The following RFT1 variants were observed in gnomAD, a reference collection of about 807,000 sequenced individuals.
The protein encoded by RFT1 is man(5)GlcNAc(2)-PP-dolichol translocation protein RFT1.
A neutral mutation model predicts 62.2 loss-of-function variants in RFT1; 43 were observed. The observed-to-expected ratio is 0.69, with a 90% CI of 0.54 to 0.89. The LOEUF (loss-of-function observed/expected upper bound fraction) is 0.89. Ranked by LOEUF, RFT1 falls within the 40% of genes least tolerant of loss-of-function variation. RFT1 has a pLI of 0.00. For synonymous variants in RFT1, 262 were observed against 264.6 expected, an observed-to-expected ratio of 0.99 and a Z score of 0.10; for missense variants, 605 against 649.9, an observed-to-expected ratio of 0.93 and a Z score of 0.75.
At chr3:53,102,624 G>A (rs540361113) in intron 10 of RFT1, among the ~76,000 whole-genome samples, 1 of 152,226 alleles carries the variant, frequency 6.6e-6, no homozygotes, top group Non-Finnish European at 1.5e-5. Flanking sequence ...CTAATTAAAT[G>A]CAGGGCTAAT....
chr3:53,076,640 T>C, the RFT1 span, among the ~76,000 whole-genome samples: 1 of 152,046 alleles, frequency 6.6e-6, no homozygotes, highest in Non-Finnish European at 1.5e-5. Context: ...TCATTTTCCA[T>C]AGTAGGAAAT....
At chr3:53,069,652 TACA>T in the RFT1 span, among the ~76,000 whole-genome samples, 1 of 152,224 alleles carries the variant, frequency 6.6e-6, no homozygotes, top group Non-Finnish European at 1.5e-5. Context: ...AAAGTGTTAG[TACA>T]ACAAGTGCCT....
intron 1 of RFT1, among the ~76,000 whole-genome samples, chr3:53,129,056 G>A (rs1702188612): frequency 6.6e-6 from 1 of 150,776 alleles, no homozygotes; most frequent in Admixed American, 6.6e-5. Flanking sequence ...ATCAAAGGCT[G>A]AAAAAAAACC....
In RFT1 at chr3:53,099,376, C is replaced by T. The variant is rs763258790; in HGVS notation, c.1208+5G>A. On this transcript the variant is annotated splice_donor_5th_base_variant and intron_variant, in intron 11 of 12. Coordinates refer to ENST00000296292, the MANE Select transcript of RFT1 (RefSeq NM_052859.4). Reference sequence around the variant, plus strand: ...GATTAAAGGTGTACCTGCTAGGTTACCCACCTGTCGACCTCCTCTTTGCTC... The same window carrying T: ...GATTAAAGGTGTACCTGCTAGGTTATCCACCTGTCGACCTCCTCTTTGCTC... 2 of 1,610,730 alleles carry T rather than the reference C, an allele frequency of 1.2e-6. No individual in the cohort carries two copies. The highest frequency in any genetic ancestry group is 2.2e-5 in the South Asian group (2 of 91,012).
downstream of RFT1, among the ~76,000 whole-genome samples, chr3:53,086,913 C>T (rs957345687): frequency 1.3e-5 from 2 of 152,180 alleles, no homozygotes; most frequent in South Asian, 2.1e-4. Flanking sequence ...GCCATCGGTG[C>T]CTGGCCCCCA....
intron 7 of RFT1, among the ~76,000 whole-genome samples, chr3:53,109,113 C>T (rs1701576039): frequency 6.6e-6 from 1 of 152,152 alleles, no homozygotes; most frequent in African/African-American, 2.4e-5. Context: ...TGCACCCTAC[C>T]TCCCAGGTTT....
Position 53,104,329 on chromosome 3 carries a change from G to T in RFT1, c.958-232C>A, listed in dbSNP as rs545653194. ...GAGGGTTAGTTTTCAATTCACTTGG[G>T]ATAAATTGTTTCAAATATTGCTTAG... On this transcript the variant is annotated intron_variant, in intron 9 of 12. Coordinates refer to ENST00000296292, the MANE Select transcript of RFT1 (RefSeq NM_052859.4). Among the ~76,000 whole-genome samples the T allele has an allele frequency of 2.6e-5, 4 of 152,224 alleles. No individual in the cohort carries two copies. In the East Asian group the frequency reaches 7.7e-4, roughly 29 times the overall value.
chr3:53,120,663 A>G lies in RFT1; in HGVS notation c.559-642T>C, dbSNP rs560317888. ...CTGCAGATTGAGGAGGAAAGTCCAA[A>G]AAAGCCCCTTTTCACAAGCTCCCTT... On this transcript the variant is annotated intron_variant, in intron 5 of 12. Transcript: ENST00000296292. Among the ~76,000 whole-genome samples, 73 of 152,202 alleles carry G rather than the reference A, an allele frequency of 4.8e-4. 1 individual carries two copies. In the South Asian group the frequency reaches 0.015, roughly 31 times the overall value.
chr3:53,094,173 C>T (rs1011665202), intron 11 of RFT1, among the ~76,000 whole-genome samples: 4 of 151,830 alleles, frequency 2.6e-5, no homozygotes, highest in Non-Finnish European at 4.4e-5. Flanking sequence ...TGCTTGAGGC[C>T]AAGAGTTTGA....
the RFT1 span, among the ~76,000 whole-genome samples, chr3:53,070,401 T>TTTTTG: frequency 7.3e-6 from 1 of 136,138 alleles, no homozygotes; most frequent in Admixed American, 7.3e-5. Context: ...TGGTTTTTTT[T>TTTTTG]TTTTTTTTTT....
intron 6 of RFT1, among the ~76,000 whole-genome samples, chr3:53,113,452 C>T (rs937205165): frequency 6.6e-6 from 1 of 152,206 alleles, no homozygotes; most frequent in Non-Finnish European, 1.5e-5. Context: ...CCCACTCTAC[C>T]TCTCCAAAAG....
At chr3:53,067,015 C>A in the RFT1 span, among the ~76,000 whole-genome samples, 414 of 152,268 alleles carry the variant, frequency 2.7e-3, 2 homozygotes, top group Admixed American at 0.016. Flanking sequence ...TTACACAGGG[C>A]AGCGTGGAGG....
chr3:53,098,750 A>T (rs535543003), intron 11 of RFT1, among the ~76,000 whole-genome samples: 3 of 143,680 alleles, frequency 2.1e-5, no homozygotes, highest in East Asian at 2.2e-4. Flanking sequence ...TGCAGTGAGC[A>T]GAGACTGCGC....
chr3:53,105,363 G>A (rs908177733), intron 9 of RFT1, among the ~76,000 whole-genome samples: 6 of 151,908 alleles, frequency 3.9e-5, no homozygotes, highest in African/African-American at 9.7e-5. Context: ...GCAGTGAGCC[G>A]AGGTCATGCC....
At chr3:53,119,447 AACAG>A (rs1251910246) in intron 6 of RFT1, among the ~76,000 whole-genome samples, 1 of 152,216 alleles carries the variant, frequency 6.6e-6, no homozygotes, top group Non-Finnish European at 1.5e-5. Context: ...CTAAAATAGA[AACAG>A]ACAGTGTCAG....
the RFT1 span, among the ~76,000 whole-genome samples, chr3:53,069,093 C>A: frequency 6.6e-6 from 1 of 152,356 alleles, no homozygotes; most frequent in African/African-American, 2.4e-5. Flanking sequence ...GCATGTGCCA[C>A]TACGCGTGGC....
chr3:53,091,831 A>G lies in RFT1; in HGVS notation c.*72T>C, dbSNP rs961334872. On this transcript the variant is annotated 3_prime_UTR_variant, in exon 13 of 13. Transcript: ENST00000296292. ...GCAGAGCCCTCAGTGGGGCTCTTAC[A>G]CAGAATGTGTTCCACCCACAGAACT... 9.7e-6 allele frequency: 15 copies of G among 1,546,190 alleles called. No homozygotes were observed. The Admixed American group carries it at 2.5e-4, about 26-fold the overall frequency.
chr3:53,076,921 C>T, the RFT1 span, among the ~76,000 whole-genome samples: 3 of 148,640 alleles, frequency 2.0e-5, no homozygotes, highest in South Asian at 6.4e-4. Context: ...CTCTCCAGCT[C>T]AGCCTGGGCA....
At chr3:53,086,976 G>A (rs1321528824), downstream of RFT1, among the ~76,000 whole-genome samples, 5 of 152,142 alleles carry the variant, frequency 3.3e-5, no homozygotes, top group South Asian at 4.1e-4. Flanking sequence ...GGTGGCTCAC[G>A]CCTGTAATCC....
Sources: gnomAD v4.1 joint callset for allele counts (sites outside exome capture counted in the v4.1 genomes callset) on GRCh38, gnomAD v4.1.1 for gene constraint, MANE v1.5 for transcripts, NCBI Gene and HGNC (gene_info 2026-07-23, HGNC 2026-07-21) for gene names.